The following MORC2 variants were observed in gnomAD, a reference collection of about 807,000 sequenced individuals.
The protein encoded by MORC2 is ATPase MORC2.
Under a neutral mutation model 136.0 loss-of-function variants are expected in MORC2, and 30 were observed. That is an observed-to-expected ratio of 0.22 (90% CI 0.17 to 0.30). The LOEUF (loss-of-function observed/expected upper bound fraction) is 0.30, where lower values mean the gene tolerates loss of function less well. Among genes scored for constraint, MORC2 ranks in the 10% least tolerant of loss-of-function variants. The probability of loss-of-function intolerance (pLI) is 1.00; values close to 1 mark genes in which losing one functional copy is unlikely to be tolerated. For missense variants in MORC2, 922 were observed against 1,333.1 expected (o/e 0.69, Z 4.80); for synonymous variants, 439 against 487.0 (o/e 0.90, Z 1.30).
intron 3 of MORC2, among the ~76,000 whole-genome samples, chr22:30,954,273 GA>G (rs538204260): frequency 2.7e-5 from 4 of 150,866 alleles, no homozygotes; most frequent in African/African-American, 7.3e-5. Flanking sequence ...CAGCCTGGGT[GA>G]AAAAAAAAGA....
chr22:30,943,984 T>A (rs1005422122), intron 6 of MORC2, among the ~76,000 whole-genome samples: 3 of 152,150 alleles, frequency 2.0e-5, no homozygotes, highest in African/African-American at 7.2e-5. Context: ...GTCAGGATGG[T>A]CTTGACCACA....
chr22:30,928,628 T>C (rs2040527039), intron 24 of MORC2, among the ~76,000 whole-genome samples: 1 of 152,238 alleles, frequency 6.6e-6, no homozygotes, highest in African/African-American at 2.4e-5. Flanking sequence ...ATGTCAGTTC[T>C]CTTTCCACCT....
chr22:30,952,832 T>C (rs2147292667), intron 3 of MORC2, among the ~76,000 whole-genome samples: 1 of 152,346 alleles, frequency 6.6e-6, no homozygotes, highest in East Asian at 1.9e-4. Context: ...TTACATCTAA[T>C]GGATTCTACT....
At chr22:30,939,730 G>A in intron 11 of MORC2, 24 bp from the exon 12 acceptor site, 1 of 1,607,750 alleles carries the variant, frequency 6.2e-7, no homozygotes, top group African/African-American at 1.3e-5. Context: ...CATCAGGTGA[G>A]GGGAGGTGGC....
chr22:30,941,488 T>A lies in MORC2; in HGVS notation c.769A>T (p.Ile257Phe). 6.2e-7 allele frequency: 1 copy of A among 1,614,086 alleles called. No individual in the cohort carries two copies. Among genetic ancestry groups the A allele is most frequent in the Non-Finnish European group, 8.5e-7 (1 of 1,180,004 alleles). ...TTGGTCTGCACCTTGTGCCCATGGA[T>A]GAAGATCCTCATCCGGGGATCAATA... ...LYIDPRMRIF[I>F]HGHKVQTKRL... Residue 257 changes from isoleucine to phenylalanine, a missense_variant, in exon 9 of 26, where the codon ATC becomes TTC. Around this residue, in one of 9 missense-constraint regions of MORC2, gnomAD observed 261 missense variants for 354.3 expected, o/e 0.74. Transcript: ENST00000397641. This position sits in a 1 kb window ranked among gnomAD's most constrained non-coding sequence, Gnocchi z 4.6.
At position 30,932,668 on chromosome 22, in the gene MORC2, G is replaced by C; in HGVS notation, c.2624C>G (p.Pro875Arg). ...GACAGCTATGGCCTGCTGGGCCACAGGGCCCACCTCCTCCTCCCCGCCCTC... is the reference window on the plus strand; with the variant it reads ...GACAGCTATGGCCTGCTGGGCCACACGGCCCACCTCCTCCTCCCCGCCCTC... ...QQEGGEEEVG[P>R]VAQQAIAVAE... The change falls in exon 23 of 26, where the codon CCT becomes CGT. Residue 875 changes from proline to arginine, a missense_variant. Coordinates refer to ENST00000397641, the MANE Select transcript of MORC2 (RefSeq NM_001303256.3). This position sits in a 1 kb window ranked among gnomAD's most constrained non-coding sequence, Gnocchi z 4.4. The C allele has an allele frequency of 1.9e-6, 3 of 1,614,166 alleles. No individual in the cohort carries two copies. Among genetic ancestry groups the C allele is most frequent in the Non-Finnish European group, 2.5e-6 (3 of 1,180,022 alleles).
At chr22:30,931,288 A>G (rs550567075) in intron 24 of MORC2, among the ~76,000 whole-genome samples, 2 of 152,234 alleles carry the variant, frequency 1.3e-5, no homozygotes, top group African/African-American at 4.8e-5. Context: ...AACACAGCAC[A>G]TCCATTCCTT....
chr22:30,939,667 G>A lies in MORC2; in HGVS notation c.1027C>T (p.Arg343Cys), dbSNP rs368475981. 1.7e-5 allele frequency: 28 copies of A among 1,613,960 alleles called. No individual in the cohort carries two copies. Among genetic ancestry groups the A allele is most frequent in the Admixed American group, 5.0e-5 (3 of 60,008 alleles). Residue 343 changes from arginine to cysteine, a missense_variant, in exon 12 of 26, where the codon CGC becomes TGC. By Grantham distance (180) the Arg-to-Cys change is radical. Coordinates refer to ENST00000397641, the MANE Select transcript of MORC2 (RefSeq NM_001303256.3). ...CTCTTCTTGACATCGGCTTCTCTGC[G>A]CAGAGTGATGGCTCTGTTCTGGACC... ...RQVQNRAITL[R>C]READVKKRIK...
At chr22:30,940,942 T>C in intron 9 of MORC2, 105 bp from the exon 10 acceptor site, 1 of 939,946 alleles carries the variant, frequency 1.1e-6, no homozygotes, top group South Asian at 1.3e-5. Context: ...CAAGCTGTGC[T>C]GTCCTGGCCC....
At chr22:30,962,067 G>A (rs575136275) in intron 1 of MORC2, among the ~76,000 whole-genome samples, 23 of 152,084 alleles carry the variant, frequency 1.5e-4, no homozygotes, top group African/African-American at 4.8e-4. Flanking sequence ...GCATGGTGGC[G>A]GACACCTGTA....
chr22:30,942,385 G>A (rs2040754648), intron 6 of MORC2, 114 bp from the exon 7 acceptor site: 1 of 1,208,666 alleles, frequency 8.3e-7, no homozygotes, highest in Non-Finnish European at 1.1e-6. Flanking sequence ...CTGTAGGTGA[G>A]GCCCAAGCTC....
Position 30,940,005 on chromosome 22 carries a change from C to T in MORC2, c.941G>A (p.Arg314Gln), listed in dbSNP as rs751140985. 1.1e-5 allele frequency: 18 copies of T among 1,613,852 alleles called. No homozygotes were observed. The highest frequency in any genetic ancestry group is 1.3e-5 in the Non-Finnish European group (15 of 1,180,044). ...EKAREAESKARTLEVRLGGDL... is the reference protein window; with the variant it reads ...EKAREAESKAQTLEVRLGGDL... ...TCCACCTAGGCGTACTTCTAATGTCCGAGCTTTGCTCTCTGCCTCCCGCGC... is the reference window on the plus strand; with the variant it reads ...TCCACCTAGGCGTACTTCTAATGTCTGAGCTTTGCTCTCTGCCTCCCGCGC... Residue 314 changes from arginine (R) to glutamine (Q), a missense_variant, in exon 11 of 26, where the codon CGG (arginine) becomes CAG (glutamine). Transcript: ENST00000397641.
At chr22:30,950,825 TCCAACTA>T (rs963880802) in intron 3 of MORC2, among the ~76,000 whole-genome samples, 3 of 152,196 alleles carry the variant, frequency 2.0e-5, no homozygotes, top group Non-Finnish European at 4.4e-5. Context: ...ACTAAAGTAC[TCCAACTA>T]CCACACACTG....
At chr22:30,948,504 C>T (rs893273782) in intron 5 of MORC2, among the ~76,000 whole-genome samples, 3 of 152,216 alleles carry the variant, frequency 2.0e-5, no homozygotes, top group Admixed American at 2.0e-4. Context: ...AAACCAGGCT[C>T]TCACAGCAAT....
intron 24 of MORC2, chr22:30,929,752 C>T (rs946684828): frequency 7.2e-5 from 11 of 151,862 alleles, no homozygotes; most frequent in African/African-American, 1.7e-4. Context: ...CAGAACGAGA[C>T]TCTGTCTCAA....
chr22:30,946,581 G>T (rs2040818882), intron 5 of MORC2, 132 bp from the exon 6 acceptor site: 2 of 675,056 alleles, frequency 3.0e-6, no homozygotes, highest in Non-Finnish European at 4.9e-6. Context: ...CAGGTCCCAG[G>T]ACTGTGTGCT....
intron 24 of MORC2, among the ~76,000 whole-genome samples, chr22:30,928,697 G>C (rs1339313569): frequency 6.6e-6 from 1 of 152,198 alleles, no homozygotes; most frequent in African/African-American, 2.4e-5. Context: ...TACAGCATCA[G>C]AGCTTTTTAC....
intron 21 of MORC2, 84 bp downstream of exon 21, chr22:30,933,382 G>C: frequency 1.4e-6 from 2 of 1,455,686 alleles, no homozygotes; most frequent in Admixed American, 3.5e-5. Flanking sequence ...ATGAGCCTTT[G>C]GTAAATTGCT....
At chr22:30,956,581 C>A (rs1337897409) in intron 3 of MORC2, among the ~76,000 whole-genome samples, 182 bp downstream of exon 3, 1 of 152,212 alleles carries the variant, frequency 6.6e-6, no homozygotes, top group African/African-American at 2.4e-5. Context: ...TTCTTGGTTT[C>A]TATGCCTGAC....
Sources: allele counts gnomAD v4.1 joint callset (sites outside exome capture counted in the v4.1 genomes callset), GRCh38; gene constraint gnomAD v4.1.1; regional missense constraint gnomAD v4.1.1; non-coding constraint Gnocchi (gnomAD v3.1); transcripts MANE v1.5; gene names NCBI Gene and HGNC (gene_info 2026-07-23, HGNC 2026-07-21).